The following CEP131 variants were observed in gnomAD, a reference collection of about 807,000 sequenced individuals.
The protein encoded by CEP131 is centrosomal protein of 131 kDa.
In CEP131, 99 loss-of-function variants were observed where a neutral mutation model predicts 136.8. That is an observed-to-expected ratio of 0.72 (90% CI 0.62 to 0.86). The LOEUF (loss-of-function observed/expected upper bound fraction) is 0.86, where lower values mean the gene tolerates loss of function less well. CEP131 is among the 40% of genes least tolerant of loss of function. CEP131 has a pLI of 0.00. For missense variants in CEP131, 1,459 were observed against 1,463.0 expected (o/e 1.00, Z 0.04); for synonymous variants, 646 against 612.7 (o/e 1.05, Z -0.80).
intron 16 of CEP131, among the ~76,000 whole-genome samples, chr17:81,195,177 C>T (rs1045002508): frequency 1.3e-5 from 2 of 152,180 alleles, no homozygotes; most frequent in Non-Finnish European, 1.5e-5. Context: ...CCCTGCCACA[C>T]ACCTTGGTGG....
chr17:81,194,060 C>A lies in CEP131; in HGVS notation c.2187G>T (p.Leu729=), dbSNP rs2061701996. ...HKQEVRRLKS[L]HEAELLQSDE... The stretch of plus-strand genomic sequence containing the variant: ...CCGACTGCAGCAGCTCCGCCTCGTG[C>A]AGGCTCTTGAGCCTCCGCACTTCCT... Residue 729 remains leucine, a synonymous_variant, in exon 18 of 26, where the codon CTG becomes CTT. Transcript: ENST00000450824. 1.3e-6 allele frequency: 2 copies of A among 1,585,592 alleles called. No homozygotes were observed. Among genetic ancestry groups the A allele is most frequent in the South Asian group, 1.1e-5 (1 of 87,466 alleles).
intron 13 of CEP131, 126 bp downstream of exon 13, chr17:81,197,586 G>A (rs1450518335): frequency 2.6e-5 from 36 of 1,388,700 alleles, no homozygotes; most frequent in South Asian, 4.5e-5. Context: ...GGGGGCTGGC[G>A]AGAGACCTCC....
At chr17:81,194,781 G>C (rs1013432233) in intron 17 of CEP131, 89 bp downstream of exon 17, 1 of 1,080,768 alleles carries the variant, frequency 9.3e-7, no homozygotes, top group African/African-American at 1.6e-5. Context: ...CGGACTACAT[G>C]AATGCCTGAA....
Position 81,208,852 on chromosome 17 carries a change from AG to A in CEP131, c.272+75del. On this transcript the variant is annotated intron_variant, in intron 3 of 25. Coordinates refer to ENST00000450824, the MANE Select transcript of CEP131 (RefSeq NM_014984.4). This position sits in a 1 kb window ranked among gnomAD's most constrained non-coding sequence, Gnocchi z 5.6. The stretch of plus-strand genomic sequence containing the variant: ...GCTGGAGGAAGGGCAGAGCAGAGGC[AG>A]GGAGGAGCAGGCCAGGGTGGGGCAC... 1 of 1,143,040 alleles carries A rather than the reference AG, an allele frequency of 8.7e-7. No individual in the cohort carries two copies. Among genetic ancestry groups the A allele is most frequent in the Non-Finnish European group, 1.3e-6 (1 of 771,802 alleles). 70.8% of individuals were successfully genotyped at this position (1,143,040 alleles called of 1,614,324 possible). A position where few individuals can be genotyped will look rare whatever the true frequency, so the allele number is the denominator to read the frequency against.
chr17:81,206,934 C>A, intron 4 of CEP131, 63 bp from the exon 5 acceptor site: 1 of 1,572,164 alleles, frequency 6.4e-7, no homozygotes, highest in South Asian at 1.2e-5. Context: ...CCCTTCCCTG[C>A]CTCTCCCACA....
At chr17:81,216,821 G>A (rs757193876) in intron 2 of CEP131, among the ~76,000 whole-genome samples, 53 of 152,202 alleles carry the variant, frequency 3.5e-4, no homozygotes, top group Non-Finnish European at 8.8e-5. Flanking sequence ...CAGGGCCATG[G>A]GATTATGGGT....
At chr17:81,199,263 C>G in intron 10 of CEP131, 118 bp downstream of exon 10, 1 of 1,246,352 alleles carries the variant, frequency 8.0e-7, no homozygotes, top group South Asian at 1.6e-5. Context: ...ACTCCGAGGA[C>G]TGGGGCCGCC....
chr17:81,213,813 G>C (rs1175556694), intron 2 of CEP131, among the ~76,000 whole-genome samples: 1 of 152,212 alleles, frequency 6.6e-6, no homozygotes, highest in African/African-American at 2.4e-5. Flanking sequence ...CACATGGACA[G>C]TGTGGACCCC....
At chr17:81,206,592 C>A in intron 5 of CEP131, 152 bp downstream of exon 5, 5 of 1,160,964 alleles carry the variant, frequency 4.3e-6, no homozygotes, top group South Asian at 3.0e-5. Flanking sequence ...CCTGCCTATG[C>A]CCTTGGGAAT....
At position 81,199,000 on chromosome 17, in the gene CEP131, C is replaced by T. The variant is rs375380632; in HGVS notation, c.1193-29G>A. 3.7e-5 allele frequency: 56 copies of T among 1,495,250 alleles called. No individual in the cohort carries two copies. In the African/African-American group the frequency reaches 6.7e-4, roughly 18 times the overall value. 92.6% of individuals were successfully genotyped at this position (1,495,250 alleles called of 1,614,324 possible). The stretch of plus-strand genomic sequence containing the variant: ...CACAGCAGAACACAGCACCATTCCA[C>T]AGGGAGCATCCCGGGGCGGGCAGCA... On this transcript the variant is annotated intron_variant, in intron 10 of 25. Transcript: ENST00000450824.
At chr17:81,210,305 T>C (rs1203252433) in intron 2 of CEP131, among the ~76,000 whole-genome samples, 1 of 152,112 alleles carries the variant, frequency 6.6e-6, no homozygotes, top group Non-Finnish European at 1.5e-5. Context: ...GGCGCGGTGG[T>C]TCACGCCTGT....
rs979426909 is a variant in CEP131 at position 81,215,991 on chromosome 17, C to T, written c.177+3889G>A. Among the ~76,000 whole-genome samples, 6 of 151,830 alleles carry T rather than the reference C, an allele frequency of 4.0e-5. No homozygotes were observed. The highest frequency in any genetic ancestry group is 1.2e-4 in the African/African-American group (5 of 41,298). ...CCGTAATCCCAGCACTTTGGGAGGCCGAGGTGGGAGGATCGCTTCAGCCCA... is the reference window on the plus strand; with the variant it reads ...CCGTAATCCCAGCACTTTGGGAGGCTGAGGTGGGAGGATCGCTTCAGCCCA... On this transcript the variant is annotated intron_variant, in intron 2 of 25. Coordinates refer to ENST00000450824, the MANE Select transcript of CEP131 (RefSeq NM_014984.4). This position sits in a 1 kb window ranked among gnomAD's most constrained non-coding sequence, Gnocchi z 4.1.
At chr17:81,205,464 CGGCGCGGGGGTAGG>C (rs2061988135) in intron 5 of CEP131, among the ~76,000 whole-genome samples, 1 of 9,534 alleles carries the variant, frequency 1.0e-4, no homozygotes, top group African/African-American at 4.3e-4. Flanking sequence ...GTAGGAGGGG[CGGCGCGGGGGTAGG>C]AGGGGCAGCG....
chr17:81,192,624 G>A, intron 19 of CEP131, 31 bp from the exon 20 acceptor site: 1 of 1,575,182 alleles, frequency 6.3e-7, no homozygotes, highest in Non-Finnish European at 8.6e-7. Flanking sequence ...GCAGGTGAGG[G>A]GTCATCGAGT....
At chr17:81,192,685 G>GGGCCCCCCCC in intron 19 of CEP131, 51 bp downstream of exon 19, 1 of 478,436 alleles carries the variant, frequency 2.1e-6, no homozygotes, top group Non-Finnish European at 4.1e-6. Context: ...GGGGGGAGGG[G>GGGCCCCCCCC]TCAGCCAGCG....
chr17:81,195,117 C>T, intron 16 of CEP131, 145 bp from the exon 17 acceptor site: 1 of 585,662 alleles, frequency 1.7e-6, no homozygotes, highest in South Asian at 2.2e-5. Flanking sequence ...CGAGACAGAG[C>T]CACTGCTGCC....
intron 7 of CEP131, 45 bp downstream of exon 7, chr17:81,202,195 G>T: frequency 2.2e-6 from 3 of 1,357,438 alleles, no homozygotes; most frequent in African/African-American, 1.6e-5. Flanking sequence ...GCCCACCTCT[G>T]TGTTCTAGGC....
At position 81,189,681 on chromosome 17, in the gene CEP131, C is replaced by G; in HGVS notation, c.*88G>C. On this transcript the variant is annotated 3_prime_UTR_variant, in exon 26 of 26. Transcript: ENST00000450824. ...CTCAACCACCAGCCTCTGTGGGGGG[C>G]AGGTGGGCGTCCCTGTGGGCCTCTG... 1 of 1,362,478 alleles carries G rather than the reference C, an allele frequency of 7.3e-7. No individual in the cohort carries two copies. Among genetic ancestry groups the G allele is most frequent in the Non-Finnish European group, 9.9e-7 (1 of 1,007,102 alleles). The allele number at this position is 1,362,478 out of a possible 1,614,324, so 84.4% of individuals were successfully genotyped here.
At position 81,191,213 on chromosome 17, in the gene CEP131, A is replaced by T. The variant is rs1056309452; in HGVS notation, c.2745T>A (p.Ser915Arg). 6.2e-7 allele frequency: 1 copy of T among 1,611,716 alleles called. No homozygotes were observed. The highest frequency in any genetic ancestry group is 1.7e-5 in the Admixed American group (1 of 59,940). ...EADMALAKEESEKAAESRIKR... is the reference protein window; with the variant it reads ...EADMALAKEEREKAAESRIKR... ...CTTACCGGCTCTCGGCAGCCTTCTCACTCTCCTCCTTGGCCAGCGCCATGT... is the reference window on the plus strand; with the variant it reads ...CTTACCGGCTCTCGGCAGCCTTCTCTCTCTCCTCCTTGGCCAGCGCCATGT... The change falls in exon 22 of 26, where the codon AGT (serine) becomes AGA (arginine). Residue 915 changes from serine to arginine, a missense_variant. Physicochemically the swap from Ser to Arg is moderately radical, Grantham distance 110 (BLOSUM62 -1). This residue lies in a region of CEP131 where 1,026 missense variants were observed against 964.2 expected (regional missense o/e 1.06). Coordinates refer to ENST00000450824, the MANE Select transcript of CEP131 (RefSeq NM_014984.4).
Sources: allele counts gnomAD v4.1 joint callset (sites outside exome capture counted in the v4.1 genomes callset), GRCh38; gene constraint gnomAD v4.1.1; regional missense constraint gnomAD v4.1.1; non-coding constraint Gnocchi (gnomAD v3.1); transcripts MANE v1.5; gene names NCBI Gene and HGNC (gene_info 2026-07-23, HGNC 2026-07-21).